The following FBXO6 variants were observed in gnomAD, a reference collection of about 807,000 sequenced individuals.
The protein encoded by FBXO6 is F-box only protein 6.
A neutral mutation model predicts 25.0 loss-of-function variants in FBXO6; 13 were observed. That is an observed-to-expected ratio of 0.52 (90% confidence interval 0.34 to 0.83). The LOEUF (loss-of-function observed/expected upper bound fraction) is 0.83. FBXO6 is among the 40% of genes least tolerant of loss of function. The pLI is 0.02. For synonymous variants in FBXO6, 138 were observed against 155.3 expected, an observed-to-expected ratio of 0.89 and a Z score of 0.83; for missense variants, 370 against 380.2, an observed-to-expected ratio of 0.97 and a Z score of 0.22.
At chr1:11,667,658 C>T (rs1472896734) in intron 1 of FBXO6, among the ~76,000 whole-genome samples, 2 of 152,068 alleles carry the variant, frequency 1.3e-5, no homozygotes, top group Admixed American at 6.6e-5. Flanking sequence ...ACAGCTCAGC[C>T]GGGTGCCGTG....
chr1:11,672,074 T>C, intron 4 of FBXO6, 51 bp downstream of exon 4: 2 of 1,479,172 alleles, frequency 1.4e-6, no homozygotes, highest in Non-Finnish European at 1.9e-6. Context: ...CTCCTCTTAC[T>C]GCGCTGCATG....
intron 1 of FBXO6, among the ~76,000 whole-genome samples, chr1:11,665,263 C>T (rs1221822895): frequency 8.7e-6 from 1 of 114,774 alleles, no homozygotes; most frequent in Non-Finnish European, 1.6e-5. Context: ...GTCGCTCTGT[C>T]GCCCAGGCTG....
intron 1 of FBXO6, among the ~76,000 whole-genome samples, chr1:11,667,594 A>G (rs549035085): frequency 3.7e-4 from 52 of 139,656 alleles, no homozygotes; most frequent in East Asian, 1.0e-3. Context: ...GCCACCCTCC[A>G]TCTGATTTTT....
chr1:11,665,183 T>TA (rs1271983292), intron 1 of FBXO6, among the ~76,000 whole-genome samples: 1 of 146,882 alleles, frequency 6.8e-6, no homozygotes, highest in Non-Finnish European at 1.5e-5. Flanking sequence ...TAGCTGGGAC[T>TA]ACAGGCACGG....
At chr1:11,671,470 T>C in intron 3 of FBXO6, 78 bp downstream of exon 3, 2 of 1,571,230 alleles carry the variant, frequency 1.3e-6, no homozygotes, top group Non-Finnish European at 8.7e-7. Flanking sequence ...TCAGGCAAAG[T>C]CTTCCTAAGG....
In FBXO6 at chr1:11,674,007, G is replaced by A. The variant is rs28924118; in HGVS notation, c.*156G>A. ...TGTCACATAGCTCTGACGTTTTGTT[G>A]TAATAAATGTTTTCAGGCCGGGCAC... is the stretch of plus-strand genomic sequence containing the variant. On this transcript the variant is annotated 3_prime_UTR_variant, in exon 6 of 6. Transcript: ENST00000376753. This position sits in a 1 kb window ranked among gnomAD's most constrained non-coding sequence, Gnocchi z 6.1. The A allele has an allele frequency of 3.6e-4, 237 of 667,370 alleles. No individual in the cohort carries two copies. In the African/African-American group the frequency reaches 3.8e-3, roughly 11 times the overall value. 41.3% of individuals were successfully genotyped at this position (667,370 alleles called of 1,614,324 possible). A position where few individuals can be genotyped will look rare whatever the true frequency, so the allele number is the denominator to read the frequency against.
Position 11,673,334 on chromosome 1 carries a change from G to A in FBXO6, c.567G>A (p.Ser189=), listed in dbSNP as rs780638475. 1.6e-5 allele frequency: 26 copies of A among 1,613,976 alleles called. No homozygotes were observed. Among genetic ancestry groups the A allele is most frequent in the Middle Eastern group, 3.3e-4 (2 of 6,084 alleles). Residue 189 remains serine, a synonymous_variant, in exon 5 of 6, where the codon TCG becomes TCA. Transcript: ENST00000376753. This position sits in a 1 kb window ranked among gnomAD's most constrained non-coding sequence, Gnocchi z 4.3. The part of the protein sequence containing the change: ...CTYQLKVQLA[S]ADYFVLASFE... ...ACCAACTCAAAGTGCAGCTGGCCTC[G>A]GCTGACTACTTCGTGTTGGCCTCCT...
intron 1 of FBXO6, among the ~76,000 whole-genome samples, chr1:11,667,583 A>C (rs1350008816): frequency 6.7e-6 from 1 of 148,730 alleles, no homozygotes; most frequent in Non-Finnish European, 1.5e-5. Flanking sequence ...CAGTCTTCTC[A>C]GCCACCCTCC....
chr1:11,671,467 A>G lies in FBXO6; in HGVS notation c.413+75A>G, dbSNP rs1044923611. ...GGACACCTTTGCCAAGTCTCAGGCA[A>G]AGTCTTCCTAAGGGAAGTCCTCTCT... On this transcript the variant is annotated intron_variant, in intron 3 of 5. Coordinates refer to ENST00000376753, the MANE Select transcript of FBXO6 (RefSeq NM_018438.6). The G allele has an allele frequency of 7.6e-5, 119 of 1,572,044 alleles. 1 individual carries two copies. The highest frequency in any genetic ancestry group is 1.0e-4 in the Non-Finnish European group (116 of 1,151,850).
chr1:11,666,203 C>T (rs1264365047), intron 1 of FBXO6, among the ~76,000 whole-genome samples: 2 of 151,410 alleles, frequency 1.3e-5, no homozygotes, highest in South Asian at 2.1e-4. Context: ...GGGCTGGGTT[C>T]GGTGGCTCAC....
At chr1:11,666,003 A>ATTT in intron 1 of FBXO6, among the ~76,000 whole-genome samples, 1 of 121,758 alleles carries the variant, frequency 8.2e-6, no homozygotes, top group African/African-American at 2.9e-5. Context: ...TTTTTTTGTT[A>ATTT]TTTTTTTTTT....
intron 2 of FBXO6, among the ~76,000 whole-genome samples, chr1:11,669,941 G>A (rs1458024840): frequency 6.7e-4 from 95 of 141,550 alleles, no homozygotes; most frequent in African/African-American, 2.4e-3. Context: ...CGCCGGGGGC[G>A]GTGGCTCACG....
intron 3 of FBXO6, 28 bp downstream of exon 3, chr1:11,671,420 G>A: frequency 6.2e-7 from 1 of 1,608,068 alleles, no homozygotes; most frequent in South Asian, 1.1e-5. Context: ...TACCAGGCTT[G>A]CGTGGAGGGG....
At chr1:11,672,452 AT>A (rs144280236) in intron 4 of FBXO6, among the ~76,000 whole-genome samples, 1 of 151,188 alleles carries the variant, frequency 6.6e-6, no homozygotes, top group Non-Finnish European at 1.5e-5. Flanking sequence ...ACACCCGGCT[AT>A]TTTTTTTTAT....
Position 11,673,599 on chromosome 1 carries a change from C to A in FBXO6, c.646-16C>A. The A allele has an allele frequency of 6.2e-7, 1 of 1,609,104 alleles. No individual in the cohort carries two copies. The highest frequency in any genetic ancestry group is 1.1e-5 in the South Asian group (1 of 90,968). On this transcript the variant is annotated splice_polypyrimidine_tract_variant and intron_variant, in intron 5 of 5. Transcript: ENST00000376753. The surrounding 1 kb of genome is among the most constrained non-coding windows in gnomAD (Gnocchi z 4.3). ...CCCCGTCCCGGTGGTCACTTCCTCT[C>A]CCTTCCTCCCAACAGGTCTCCTACA... is the stretch of plus-strand genomic sequence containing the variant.
At chr1:11,665,966 G>A (rs1328876301) in intron 1 of FBXO6, among the ~76,000 whole-genome samples, 1 of 149,334 alleles carries the variant, frequency 6.7e-6, no homozygotes, top group Non-Finnish European at 1.5e-5. Context: ...TTGCTTCTCA[G>A]AACTTAGAAG....
At chr1:11,669,938 G>GT (rs1557673235) in intron 2 of FBXO6, among the ~76,000 whole-genome samples, 2 of 141,770 alleles carry the variant, frequency 1.4e-5, no homozygotes, top group African/African-American at 2.6e-5. Context: ...CACCGCCGGG[G>GT]GCGGTGGCTC....
Position 11,668,746 on chromosome 1 carries a change from G to A in FBXO6, c.88G>A (p.Ala30Thr), listed in dbSNP as rs746354058. ...ILLELFTHVP[A>T]RQLLLNCRLV... The stretch of plus-strand genomic sequence containing the variant: ...GCTGGAGCTGTTCACGCACGTGCCC[G>A]CCCGCCAGCTGCTGCTGAACTGCCG... Residue 30 changes from alanine (A) to threonine (T), a missense_variant, in exon 2 of 6, where the codon GCC becomes ACC. Coordinates refer to ENST00000376753, the MANE Select transcript of FBXO6 (RefSeq NM_018438.6). The A allele has an allele frequency of 5.0e-6, 8 of 1,613,794 alleles. No individual in the cohort carries two copies. Among genetic ancestry groups the A allele is most frequent in the South Asian group, 1.1e-5 (1 of 91,068 alleles).
rs772390592 is a variant in FBXO6 at position 11,668,865 on chromosome 1, C to T, written c.207C>T (p.Asp69=). ...AGGGCTTCATCACCAAGGACTGGGACCAGCCCGTGGCCGACTGGAAAATCT... is the reference window on the plus strand; with the variant it reads ...AGGGCTTCATCACCAAGGACTGGGATCAGCCCGTGGCCGACTGGAAAATCT... ...LREGFITKDW[D]QPVADWKIFY... is the part of the protein sequence containing the mutation. Residue 69 remains aspartate (D), a synonymous_variant, in exon 2 of 6, where the codon GAC becomes GAT. Transcript: ENST00000376753. The T allele has an allele frequency of 6.2e-7, 1 of 1,614,156 alleles. No individual in the cohort carries two copies. Among genetic ancestry groups the T allele is most frequent in the Non-Finnish European group, 8.5e-7 (1 of 1,180,026 alleles).
Sources: gnomAD v4.1 joint callset for allele counts (sites outside exome capture counted in the v4.1 genomes callset) on GRCh38, gnomAD v4.1.1 for gene constraint, Gnocchi (gnomAD v3.1) non-coding constraint, MANE v1.5 for transcripts, NCBI Gene and HGNC (gene_info 2026-07-23, HGNC 2026-07-21) for gene names.